Variants in SETD5 observed in about 807,000 individuals in gnomAD.
The protein encoded by SETD5 is histone-lysine N-methyltransferase SETD5.
In SETD5, 44 loss-of-function variants were observed where a neutral mutation model predicts 153.3. The observed-to-expected ratio is 0.29, with a 90% CI of 0.23 to 0.37. The LOEUF (loss-of-function observed/expected upper bound fraction) is 0.37, where lower values mean the gene tolerates loss of function less well. Among genes scored for constraint, SETD5 ranks in the 10% least tolerant of loss-of-function variants. SETD5 has a pLI of 1.00. For synonymous variants in SETD5, 716 were observed against 645.2 expected, an observed-to-expected ratio of 1.11 and a Z score of -1.66; for missense variants, 1,544 against 1,768.0, an observed-to-expected ratio of 0.87 and a Z score of 2.27.
intron 1 of SETD5, among the ~76,000 whole-genome samples, chr3:9,406,435 G>A (rs1165993414): frequency 6.7e-6 from 1 of 150,068 alleles, no homozygotes; most frequent in Admixed American, 6.6e-5. Flanking sequence ...TATATTCGGT[G>A]GAATGCCTTA....
rs746999028 is a variant in SETD5 at position 9,406,607 on chromosome 3, C to CAAAAAAAAAAAAAA, written c.-177+8631_-177+8644dup. 1.0e-3 allele frequency among the ~76,000 whole-genome samples: 104 copies of CAAAAAAAAAAAAAA among 99,170 alleles called. 1 individual carries two copies. The highest frequency in any genetic ancestry group is 3.6e-3 in the African/African-American group (92 of 25,370). 65.1% of individuals were successfully genotyped at this position (99,170 alleles called of 152,430 possible). A position where few individuals can be genotyped will look rare whatever the true frequency, so the allele number is the denominator to read the frequency against. On this transcript the variant is annotated intron_variant, in intron 1 of 22. Transcript: ENST00000402198. The stretch of plus-strand genomic sequence containing the variant: ...TGGGCGACAGAGCGAGACTCTGTCT[C>CAAAAAAAAAAAAAA]AAAAAAAAAAAAAAGAATAGATCTG...
intron 1 of SETD5, among the ~76,000 whole-genome samples, chr3:9,399,891 G>T (rs2034476417): frequency 6.9e-6 from 1 of 144,816 alleles, no homozygotes; most frequent in African/African-American, 2.4e-5. Context: ...TTGTTCCTTT[G>T]GGTTGGATCA....
intron 1 of SETD5, among the ~76,000 whole-genome samples, chr3:9,419,609 G>A (rs1005413290): frequency 5.9e-5 from 9 of 152,042 alleles, no homozygotes; most frequent in African/African-American, 2.2e-4. Context: ...TGCTATCTAA[G>A]GTAAGTAGTA....
chr3:9,439,155 G>T (rs2040961510), intron 7 of SETD5, among the ~76,000 whole-genome samples: 1 of 152,214 alleles, frequency 6.6e-6, no homozygotes, highest in South Asian at 2.1e-4. Context: ...CTAAGGTTTT[G>T]CACTATTCTT....
At chr3:9,453,320 A>G (rs900505996) in intron 16 of SETD5, among the ~76,000 whole-genome samples, 2 of 152,166 alleles carry the variant, frequency 1.3e-5, no homozygotes, top group Non-Finnish European at 2.9e-5. Flanking sequence ...CGTCTCTAGC[A>G]CGGGGCAGAC....
chr3:9,465,458 G>C (rs1204075400), intron 18 of SETD5, among the ~76,000 whole-genome samples: 1 of 152,172 alleles, frequency 6.6e-6, no homozygotes, highest in Non-Finnish European at 1.5e-5. Context: ...AATGGACACT[G>C]TCTCTTTTTT....
At chr3:9,399,208 T>G (rs2034316228) in intron 1 of SETD5, among the ~76,000 whole-genome samples, 1 of 152,220 alleles carries the variant, frequency 6.6e-6, no homozygotes, top group African/African-American at 2.4e-5. Context: ...TAGCTATACT[T>G]GTGATTGGGG....
chr3:9,408,873 T>C (rs888597462), intron 1 of SETD5, among the ~76,000 whole-genome samples: 1 of 152,172 alleles, frequency 6.6e-6, no homozygotes, highest in Non-Finnish European at 1.5e-5. Context: ...AAGTTATTTA[T>C]TAATATTAAA....
chr3:9,432,162 A>T (rs1379426922), intron 3 of SETD5: 1 of 306,074 alleles, frequency 3.3e-6, no homozygotes, highest in Non-Finnish European at 4.8e-6. Context: ...TGCATTCTTG[A>T]TGTACCCCTC....
intron 18 of SETD5, among the ~76,000 whole-genome samples, chr3:9,468,215 A>C (rs1243671894): frequency 6.6e-6 from 1 of 152,016 alleles, no homozygotes; most frequent in Non-Finnish European, 1.5e-5. Flanking sequence ...AAGACGTATA[A>C]CACTAAAATT....
chr3:9,454,851 G>C (rs1002650752), intron 17 of SETD5, among the ~76,000 whole-genome samples: 18 of 151,956 alleles, frequency 1.2e-4, no homozygotes, highest in Non-Finnish European at 2.4e-4. Context: ...AAAGTTCTTT[G>C]TGATTTTCAT....
chr3:9,441,823 A>G (rs2041326867), intron 9 of SETD5, 82 bp downstream of exon 9: 2 of 1,559,450 alleles, frequency 1.3e-6, no homozygotes, highest in African/African-American at 2.7e-5. Flanking sequence ...TCTGTTTGAT[A>G]AGACGCTCTT....
intron 3 of SETD5, chr3:9,431,010 A>G: frequency 1.0e-6 from 1 of 985,386 alleles, no homozygotes; most frequent in Non-Finnish European, 1.2e-6. Context: ...TTAAATTATT[A>G]ATGATATTTA....
At chr3:9,436,472 G>C (rs977014155) in intron 7 of SETD5, among the ~76,000 whole-genome samples, 4 of 152,154 alleles carry the variant, frequency 2.6e-5, no homozygotes, top group Non-Finnish European at 4.4e-5. Flanking sequence ...TAGGTGACTT[G>C]TTCATCCCTT....
At chr3:9,421,592 G>A (rs1423399817) in intron 1 of SETD5, among the ~76,000 whole-genome samples, 7 of 152,082 alleles carry the variant, frequency 4.6e-5, no homozygotes, top group Admixed American at 1.3e-4. Flanking sequence ...TCTCATACAA[G>A]GTAAAGTCAT....
chr3:9,420,758 G>A (rs959544616), intron 1 of SETD5, among the ~76,000 whole-genome samples: 1 of 151,344 alleles, frequency 6.6e-6, no homozygotes, highest in African/African-American at 2.4e-5. Flanking sequence ...ATCTCCAAGT[G>A]CTCTTTTAGA....
chr3:9,425,575 CTTTT>C (rs767789314), intron 2 of SETD5, among the ~76,000 whole-genome samples: 1 of 108,078 alleles, frequency 9.3e-6, no homozygotes, highest in African/African-American at 3.6e-5. Flanking sequence ...AGAAACTGTA[CTTTT>C]TTTTTTTTTT....
chr3:9,470,390 C>A, intron 18 of SETD5, 69 bp from the exon 19 acceptor site: 1 of 1,192,720 alleles, frequency 8.4e-7, no homozygotes, highest in Non-Finnish European at 1.2e-6. Context: ...TCCCTCTCCC[C>A]TCCTTTCTGC....
intron 8 of SETD5, 88 bp from the exon 9 acceptor site, chr3:9,441,505 A>T (rs1307526698): frequency 7.3e-6 from 9 of 1,230,106 alleles, no homozygotes; most frequent in Non-Finnish European, 1.1e-5. Context: ...TGAAAATATT[A>T]GCATGTTTTC....
Sources: allele counts gnomAD v4.1 joint callset (sites outside exome capture counted in the v4.1 genomes callset), GRCh38; gene constraint gnomAD v4.1.1; transcripts MANE v1.5; gene names NCBI Gene and HGNC (gene_info 2026-07-23, HGNC 2026-07-21).